RANBP2: variants seen among roughly 807,000 people sequenced by gnomAD.
RANBP2 encodes RAN binding protein 2.
Under a neutral mutation model 303.6 loss-of-function variants are expected in RANBP2, and 57 were observed. The observed-to-expected ratio is 0.19, with a 90% confidence interval of 0.15 to 0.23. RANBP2 has a LOEUF of 0.23. RANBP2 is among the 10% of genes least tolerant of loss of function. The pLI is 1.00. For missense variants in RANBP2, 3,138 were observed against 3,780.8 expected, an observed-to-expected ratio of 0.83 and a Z score of 4.46; for synonymous variants, 1,167 against 1,301.5, an observed-to-expected ratio of 0.90 and a Z score of 2.23.
At chr2:108,805,048 T>A in the RANBP2 span, 1 of 1,116,578 alleles carries the variant, frequency 9.0e-7, no homozygotes, top group Non-Finnish European at 1.2e-6. Flanking sequence ...TAAGACATTC[T>A]AAGAAGTATA....
chr2:109,364,713 C>A, the RANBP2 span, among the ~76,000 whole-genome samples: 1 of 152,310 alleles, frequency 6.6e-6, no homozygotes, highest in East Asian at 1.9e-4. Flanking sequence ...CAGTTTCCCC[C>A]ACTCCTCTGT....
At chr2:108,978,047 G>T in the RANBP2 span, among the ~76,000 whole-genome samples, 1 of 152,208 alleles carries the variant, frequency 6.6e-6, no homozygotes, top group Non-Finnish European at 1.5e-5. Context: ...GTTCAAAGTC[G>T]TTCTTCCTTC....
At chr2:109,293,441 C>G in the RANBP2 span, among the ~76,000 whole-genome samples, 1 of 152,162 alleles carries the variant, frequency 6.6e-6, no homozygotes, top group African/African-American at 2.4e-5. Flanking sequence ...CCCAGGCTAC[C>G]CCAGTGGTGA....
chr2:108,884,077 A>G, the RANBP2 span: 1 of 152,156 alleles, frequency 6.6e-6, no homozygotes, highest in Non-Finnish European at 1.5e-5. Context: ...CTAATTTTTA[A>G]AATATTTGTA....
chr2:108,912,397 G>A, the RANBP2 span, among the ~76,000 whole-genome samples: 1 of 152,140 alleles, frequency 6.6e-6, no homozygotes, highest in African/African-American at 2.4e-5. Context: ...CCTCCTGGCC[G>A]GGCTTGCAGC....
chr2:108,793,358 A>C, the RANBP2 span, among the ~76,000 whole-genome samples: 2 of 151,974 alleles, frequency 1.3e-5, no homozygotes, highest in South Asian at 2.1e-4. Flanking sequence ...ACAACAACAA[A>C]AAAACACTGA....
chr2:109,483,631 G>A, the RANBP2 span, among the ~76,000 whole-genome samples: 2 of 152,198 alleles, frequency 1.3e-5, no homozygotes, highest in East Asian at 3.9e-4. Flanking sequence ...TAGAGGGTGG[G>A]AATTGGCATA....
the RANBP2 span, among the ~76,000 whole-genome samples, chr2:109,038,710 C>T: frequency 6.6e-6 from 1 of 152,094 alleles, no homozygotes; most frequent in East Asian, 1.9e-4. Flanking sequence ...TGGGAAAATA[C>T]TAAGGAGTGG....
chr2:109,508,454 T>C, the RANBP2 span, among the ~76,000 whole-genome samples: 9 of 152,096 alleles, frequency 5.9e-5, no homozygotes, highest in African/African-American at 2.2e-4. Context: ...TGGAACCCCA[T>C]GGCACTGTGC....
the RANBP2 span, among the ~76,000 whole-genome samples, chr2:109,163,335 A>C: frequency 1.3e-5 from 2 of 150,216 alleles, no homozygotes; most frequent in Non-Finnish European, 3.0e-5. Context: ...TGCAAGTTTA[A>C]GGGCCATCAA....
At chr2:109,499,556 C>T in the RANBP2 span, among the ~76,000 whole-genome samples, 1 of 152,166 alleles carries the variant, frequency 6.6e-6, no homozygotes, top group Non-Finnish European at 1.5e-5. Flanking sequence ...TTCCCCAGGG[C>T]AGAGGGAGGC....
At chr2:108,930,156 C>T in the RANBP2 span, 3 of 1,613,930 alleles carry the variant, frequency 1.9e-6, no homozygotes, top group African/African-American at 4.0e-5. Context: ...ACGGGGGGCA[C>T]TCCTGGCACA....
the RANBP2 span, among the ~76,000 whole-genome samples, chr2:108,819,453 G>A: frequency 3.3e-4 from 50 of 152,322 alleles, no homozygotes; most frequent in Admixed American, 7.2e-4. Context: ...TGGTAGCATA[G>A]TTTGGAAGCT....
the RANBP2 span, among the ~76,000 whole-genome samples, chr2:108,962,736 C>G: frequency 3.1e-4 from 47 of 151,502 alleles, 1 homozygote; most frequent in East Asian, 9.1e-3. Context: ...GCCTCCCATG[C>G]CAAGGCCAAC....
chr2:109,529,646 C>T, the RANBP2 span, among the ~76,000 whole-genome samples: 1 of 152,318 alleles, frequency 6.6e-6, no homozygotes, highest in East Asian at 1.9e-4. Flanking sequence ...TGCATGTCTA[C>T]AGGTCACCAG....
the RANBP2 span, among the ~76,000 whole-genome samples, chr2:109,277,763 T>C: frequency 1.3e-5 from 2 of 152,196 alleles, no homozygotes; most frequent in Admixed American, 6.5e-5. Flanking sequence ...TGTGTAGGTT[T>C]TGGGAAATGA....
the RANBP2 span, among the ~76,000 whole-genome samples, chr2:109,063,592 G>A: frequency 1.3e-5 from 2 of 152,158 alleles, no homozygotes; most frequent in Admixed American, 1.3e-4. Flanking sequence ...TGTAGAACTG[G>A]CATTGGAACA....
chr2:108,814,694 G>A, the RANBP2 span, among the ~76,000 whole-genome samples: 2 of 146,616 alleles, frequency 1.4e-5, no homozygotes, highest in South Asian at 2.1e-4. Context: ...TTTGAGATGG[G>A]GTCTCACTCT....
chr2:109,168,712 T>C, the RANBP2 span, among the ~76,000 whole-genome samples: 3 of 152,260 alleles, frequency 2.0e-5, no homozygotes, highest in African/African-American at 7.2e-5. Context: ...TGTGATGCCT[T>C]CTGGCACTGG....
Sources: gnomAD v4.1 joint callset for allele counts (sites outside exome capture counted in the v4.1 genomes callset) on GRCh38, gnomAD v4.1.1 for gene constraint, MANE v1.5 for transcripts, NCBI Gene and HGNC (gene_info 2026-07-23, HGNC 2026-07-21) for gene names.